ANTXR1: variants seen among roughly 807,000 people sequenced by gnomAD.
ANTXR1 encodes ANTXR cell adhesion molecule 1, also known as anthrax toxin receptor 1.
A neutral mutation model predicts 78.1 loss-of-function variants in ANTXR1; 19 were observed. The ratio of observed to expected loss-of-function variants is 0.24; its 90% CI spans 0.17 to 0.36. The LOEUF (loss-of-function observed/expected upper bound fraction) is 0.36, where lower values mean the gene tolerates loss of function less well. Ranked by LOEUF, ANTXR1 falls within the 10% of genes least tolerant of loss-of-function variation. The pLI is 1.00. For synonymous variants in ANTXR1, 273 were observed against 260.5 expected (o/e 1.05, Z -0.46); for missense variants, 518 against 718.6 (o/e 0.72, Z 3.19).
rs757829022 is a variant in ANTXR1, at chr2:69,124,639, A to T, written c.947A>T (p.His316Leu). Residue 316 changes from histidine (H) to leucine (L), a missense_variant, in exon 12 of 18, where the codon CAC becomes CTC. Physicochemically the swap from His to Leu is moderately conservative, Grantham distance 99. Coordinates refer to ENST00000303714, the MANE Select transcript of ANTXR1 (RefSeq NM_032208.3). ...AGTTCTGTCATCATCACCACCACAC[A>T]CTGTGTAAGTCATAACCTTTCCCTT... ...ISSSVIITTT[H>L]CSDGSILAIA... 41 of 1,614,036 alleles carry T rather than the reference A, an allele frequency of 2.5e-5. No individual in the cohort carries two copies. Among genetic ancestry groups the T allele is most frequent in the Non-Finnish European group, 3.4e-5 (40 of 1,179,942 alleles).
Position 69,210,936 on chromosome 2 carries a change from A to AG in ANTXR1, c.1434+17521_1434+17522insG, listed in dbSNP as rs1675027025. Among the ~76,000 whole-genome samples, 6 of 124,964 alleles carry AG rather than the reference A, an allele frequency of 4.8e-5. No individual in the cohort carries two copies. In the South Asian group the frequency reaches 1.4e-3, roughly 29 times the overall value. 82.0% of individuals were successfully genotyped at this position (124,964 alleles called of 152,430 possible). A position where few individuals can be genotyped will look rare whatever the true frequency, so the allele number is the denominator to read the frequency against. ...GGGCGACAGAGTGAGACTCCATCAC[A>AG]AAAAAAAAAAAAAAAAAAAAGAACC... On this transcript the variant is annotated intron_variant, in intron 17 of 17. Transcript: ENST00000303714.
intron 10 of ANTXR1, among the ~76,000 whole-genome samples, chr2:69,115,870 G>C (rs1025332729): frequency 7.9e-5 from 12 of 152,182 alleles, no homozygotes; most frequent in African/African-American, 2.7e-4. Context: ...GAAAAGGATG[G>C]TGGCCAGCTT....
intron 12 of ANTXR1, among the ~76,000 whole-genome samples, chr2:69,124,963 G>C (rs1479576269): frequency 1.3e-5 from 2 of 152,198 alleles, no homozygotes; most frequent in Admixed American, 1.3e-4. Flanking sequence ...CCCAGATAGA[G>C]TGGGTTTAGG....
At chr2:69,236,323 T>C (rs1195402211) in intron 17 of ANTXR1, among the ~76,000 whole-genome samples, 1 of 152,194 alleles carries the variant, frequency 6.6e-6, no homozygotes, top group Non-Finnish European at 1.5e-5. Flanking sequence ...TATATGTGTG[T>C]ATGTGTGAGT....
chr2:69,112,037 TATATC>T (rs1212321480), intron 10 of ANTXR1, among the ~76,000 whole-genome samples: 1 of 152,180 alleles, frequency 6.6e-6, no homozygotes, highest in African/African-American at 2.4e-5. Flanking sequence ...CTAGGGATTT[TATATC>T]ATGTGAAGGT....
chr2:69,186,446 T>C (rs1277029901), intron 16 of ANTXR1, among the ~76,000 whole-genome samples: 1 of 152,240 alleles, frequency 6.6e-6, no homozygotes, highest in Non-Finnish European at 1.5e-5. Context: ...CCTTATGTGG[T>C]ACCATAAACT....
chr2:69,080,841 G>C (rs75358828), intron 8 of ANTXR1, among the ~76,000 whole-genome samples: 1 of 152,118 alleles, frequency 6.6e-6, no homozygotes, highest in Non-Finnish European at 1.5e-5. Flanking sequence ...GGCAGAGCAC[G>C]GCCCAGTACA....
At chr2:69,170,314 G>T (rs1389532442) in intron 14 of ANTXR1, 25 bp downstream of exon 14, 2 of 1,613,604 alleles carry the variant, frequency 1.2e-6, no homozygotes, top group Admixed American at 3.3e-5. Context: ...CAGGATGGCA[G>T]TGGGTGGGCA....
chr2:69,233,087 AAATC>A (rs1394537039), intron 17 of ANTXR1, among the ~76,000 whole-genome samples: 4 of 152,178 alleles, frequency 2.6e-5, no homozygotes, highest in African/African-American at 9.6e-5. Flanking sequence ...AAACCTGAAT[AAATC>A]AATATCTGTG....
At chr2:69,111,829 A>C (rs1671990197) in intron 10 of ANTXR1, among the ~76,000 whole-genome samples, 1 of 152,236 alleles carries the variant, frequency 6.6e-6, no homozygotes, top group Non-Finnish European at 1.5e-5. Context: ...TCCAGAAACT[A>C]AACTTCATCT....
At chr2:69,065,167 T>C (rs1344656373) in intron 3 of ANTXR1, among the ~76,000 whole-genome samples, 2 of 152,192 alleles carry the variant, frequency 1.3e-5, no homozygotes, top group Non-Finnish European at 2.9e-5. Context: ...GGCTCACGCC[T>C]GTAATCCCAG....
At chr2:69,105,450 A>C (rs1183174917) in intron 10 of ANTXR1, among the ~76,000 whole-genome samples, 3 of 152,256 alleles carry the variant, frequency 2.0e-5, no homozygotes, top group Non-Finnish European at 2.9e-5. Context: ...CTAAGGGGAA[A>C]AATAGCGTTT....
At chr2:69,191,880 G>A (rs1023516945) in intron 16 of ANTXR1, among the ~76,000 whole-genome samples, 1 of 152,236 alleles carries the variant, frequency 6.6e-6, no homozygotes, top group Admixed American at 6.5e-5. Flanking sequence ...CTGCCTTTGG[G>A]CAAGTTACTT....
chr2:69,181,808 C>T lies in ANTXR1; in HGVS notation c.1112C>T (p.Pro371Leu), dbSNP rs1244127939. The stretch of plus-strand genomic sequence containing the variant: ...CAGGAAGAAGATGATGATGGTCTGC[C>T]TAAGAAAAAGTGGCCAACGGTAGAC... ...ESEEEDDDGL[P>L]KKKWPTVDAS... The change falls in exon 15 of 18, where the codon CCT becomes CTT. Residue 371 changes from proline (P) to leucine (L), a missense_variant. Coordinates refer to ENST00000303714, the MANE Select transcript of ANTXR1 (RefSeq NM_032208.3). 6.2e-7 allele frequency: 1 copy of T among 1,613,920 alleles called. No individual in the cohort carries two copies. Among genetic ancestry groups the T allele is most frequent in the Non-Finnish European group, 8.5e-7 (1 of 1,180,000 alleles).
In ANTXR1 at chr2:69,146,380, T is replaced by G. The variant is rs76175595; in HGVS notation, c.952-5789T>G. ...GATTTTTTAAACTTTATTTCCATTT[T>G]TTTTAATAAAATAAGAATTGGACTT... On this transcript the variant is annotated intron_variant, in intron 12 of 17. Coordinates refer to ENST00000303714, the MANE Select transcript of ANTXR1 (RefSeq NM_032208.3). 5.0e-3 allele frequency: 4,885 copies of G among 984,410 alleles called. 191 individuals are homozygous for G. In the African/African-American group the frequency reaches 0.08, roughly 16 times the overall value. 61.0% of individuals were successfully genotyped at this position (984,410 alleles called of 1,614,324 possible). A position where few individuals can be genotyped will look rare whatever the true frequency, so the allele number is the denominator to read the frequency against.
chr2:69,075,198 T>G (rs1462464359), intron 6 of ANTXR1, among the ~76,000 whole-genome samples: 5 of 152,158 alleles, frequency 3.3e-5, no homozygotes, highest in Admixed American at 2.0e-4. Context: ...CTCAACTATA[T>G]CAAGTTCCAA....
chr2:69,181,659 A>G (rs1674276411), intron 14 of ANTXR1, 127 bp from the exon 15 acceptor site: 1 of 897,834 alleles, frequency 1.1e-6, no homozygotes, highest in Non-Finnish European at 1.9e-6. Flanking sequence ...TCTAGGAAAC[A>G]GTAGCACTGG....
At chr2:69,146,287 G>C (rs1490339491) in intron 12 of ANTXR1, 3 of 985,240 alleles carry the variant, frequency 3.0e-6, no homozygotes, top group Non-Finnish European at 3.6e-6. Flanking sequence ...TCCAGCTCCA[G>C]TTGCTCATCT....
At chr2:69,026,235 A>T (rs1210496127) in intron 1 of ANTXR1, among the ~76,000 whole-genome samples, 3 of 152,238 alleles carry the variant, frequency 2.0e-5, no homozygotes, top group African/African-American at 7.2e-5. Context: ...TTGGACAAGC[A>T]TGGACTTCAA....
Sources: gnomAD v4.1 joint callset for allele counts (sites outside exome capture counted in the v4.1 genomes callset) on GRCh38, gnomAD v4.1.1 for gene constraint, MANE v1.5 for transcripts, NCBI Gene and HGNC (gene_info 2026-07-23, HGNC 2026-07-21) for gene names.